Variants in RB1 observed in about 807,000 individuals in gnomAD.
RB1 encodes retinoblastoma-associated protein.
RB1 carries 18 observed loss-of-function variants against 135.4 expected under a neutral mutation model. The observed-to-expected ratio is 0.13, with a 90% confidence interval of 0.09 to 0.20. The LOEUF is 0.20. RB1 is among the 10% of genes least tolerant of loss of function. RB1 has a pLI of 1.00. For synonymous variants in RB1, 365 were observed against 373.2 expected (o/e 0.98, Z 0.25); for missense variants, 868 against 1,110.0 (o/e 0.78, Z 3.10).
intron 17 of RB1, among the ~76,000 whole-genome samples, chr13:48,408,288 CT>C (rs1040385044): frequency 4.0e-5 from 6 of 151,438 alleles, no homozygotes; most frequent in African/African-American, 1.5e-4. Flanking sequence ...TATTTTTATG[CT>C]TTTTAAAATA....
At chr13:48,316,152 A>G (rs577323191) in intron 2 of RB1, among the ~76,000 whole-genome samples, 1 of 152,040 alleles carries the variant, frequency 6.6e-6, no homozygotes, top group Non-Finnish European at 1.5e-5. Flanking sequence ...GGGATTTCAC[A>G]TGCAACAGGG....
intron 17 of RB1, among the ~76,000 whole-genome samples, chr13:48,445,484 C>T (rs956679073): frequency 1.3e-5 from 2 of 152,178 alleles, no homozygotes; most frequent in African/African-American, 4.8e-5. Context: ...CTGGTGGCCT[C>T]TTTCATTTTC....
At chr13:48,318,748 G>A (rs1176131260) in intron 2 of RB1, 1 of 660,132 alleles carries the variant, frequency 1.5e-6, no homozygotes, top group Non-Finnish European at 2.7e-6. Flanking sequence ...TTAGAGAGGG[G>A]GGCCTTGGGG....
At chr13:48,317,508 C>A (rs1952196439) in intron 2 of RB1, 1 of 442,124 alleles carries the variant, frequency 2.3e-6, no homozygotes, top group South Asian at 2.1e-5. Flanking sequence ...TGTGAAAGCT[C>A]CCCCCAGCAC....
chr13:48,477,275 G>A (rs1262791136), intron 25 of RB1, 80 bp from the exon 26 acceptor site: 9 of 1,014,390 alleles, frequency 8.9e-6, no homozygotes, highest in Admixed American at 2.0e-5. Context: ...GTAAGTCATC[G>A]AAAGCATCAT....
chr13:48,421,870 A>G (rs949059002), intron 17 of RB1, among the ~76,000 whole-genome samples: 1 of 152,230 alleles, frequency 6.6e-6, no homozygotes, highest in Non-Finnish European at 1.5e-5. Flanking sequence ...AGGAAACAAC[A>G]GATGCTGGAG....
intron 23 of RB1, among the ~76,000 whole-genome samples, chr13:48,472,135 G>T (rs763741208): frequency 2.6e-5 from 4 of 152,148 alleles, no homozygotes; most frequent in Admixed American, 6.5e-5. Flanking sequence ...GAAGTAGGAG[G>T]CAGATTAGCT....
Position 48,476,701 on chromosome 13 carries a change from A to G in RB1, c.2521A>G (p.Thr841Ala). 6.2e-7 allele frequency: 1 copy of G among 1,611,974 alleles called. No homozygotes were observed. Among genetic ancestry groups the G allele is most frequent in the South Asian group, 1.1e-5 (1 of 91,032 alleles). Residue 841 changes from threonine (T) to alanine (A), a missense_variant and splice_region_variant, in exon 25 of 27, where the codon ACT becomes GCT. Around this residue, in one of 3 missense-constraint regions of RB1, gnomAD observed 196 missense variants for 239.8 expected, o/e 0.82. Transcript: ENST00000267163. The stretch of plus-strand genomic sequence containing the variant: ...AAGTAAAGAATTCTGTAATTTGTAG[A>G]CTTCTGAGAAGTTCCAGAAAATAAA... Reference protein sequence around the residue: ...ILVSIGESFGTSEKFQKINQM... With the variant: ...ILVSIGESFGASEKFQKINQM...
At chr13:48,392,764 CTCT>C (rs1298396905) in intron 17 of RB1, among the ~76,000 whole-genome samples, 93 of 93,258 alleles carry the variant, frequency 1.0e-3, no homozygotes, top group Non-Finnish European at 2.6e-4. Context: ...CTCTCTCTCT[CTCT>C]TTTTTTTAAG....
At chr13:48,318,457 T>C in intron 2 of RB1, 1 of 1,403,820 alleles carries the variant, frequency 7.1e-7, no homozygotes, top group Non-Finnish European at 9.9e-7. Context: ...GAGCTCTCCT[T>C]CTCGTCCAGG....
chr13:48,351,976 G>A (rs1042681664), intron 6 of RB1, among the ~76,000 whole-genome samples: 2 of 151,628 alleles, frequency 1.3e-5, no homozygotes, highest in Non-Finnish European at 3.0e-5. Flanking sequence ...ACCTGGCCTG[G>A]CCATCTTCAA....
At chr13:48,352,555 G>C (rs528179774) in intron 6 of RB1, among the ~76,000 whole-genome samples, 4 of 151,996 alleles carry the variant, frequency 2.6e-5, no homozygotes, top group African/African-American at 7.2e-5. Context: ...TGAAATTCTT[G>C]TTGTAGAGAG....
chr13:48,430,466 C>G (rs1324801268), intron 17 of RB1, among the ~76,000 whole-genome samples: 1 of 152,132 alleles, frequency 6.6e-6, no homozygotes, highest in Non-Finnish European at 1.5e-5. Flanking sequence ...AGAGGCCAGG[C>G]ACTGTGGCTC....
chr13:48,414,829 G>T (rs17071695), intron 17 of RB1, among the ~76,000 whole-genome samples: 1 of 151,938 alleles, frequency 6.6e-6, no homozygotes, highest in African/African-American at 2.4e-5. Context: ...AATTTTGAAG[G>T]GTTGAATATC....
intron 2 of RB1, among the ~76,000 whole-genome samples, chr13:48,309,506 A>C (rs183207380): frequency 1.3e-5 from 2 of 152,318 alleles, no homozygotes; most frequent in East Asian, 3.9e-4. Flanking sequence ...CTTGGGTATT[A>C]TAATCCCCAG....
At chr13:48,342,202 G>T (rs1952450808) in intron 2 of RB1, among the ~76,000 whole-genome samples, 1 of 151,796 alleles carries the variant, frequency 6.6e-6, no homozygotes. Context: ...AGCAAGGAAA[G>T]AATAAGCGAA....
At chr13:48,432,429 T>G (rs923165863) in intron 17 of RB1, among the ~76,000 whole-genome samples, 4 of 150,210 alleles carry the variant, frequency 2.7e-5, no homozygotes, top group South Asian at 2.1e-4. Flanking sequence ...GTTTTTTTGT[T>G]TTTTTTTTTG....
intron 17 of RB1, among the ~76,000 whole-genome samples, chr13:48,452,522 T>C (rs1949334175): frequency 6.6e-6 from 1 of 152,132 alleles, no homozygotes; most frequent in South Asian, 2.1e-4. Context: ...TTTTAATCTT[T>C]GTGATTTTGT....
intron 21 of RB1, 142 bp from the exon 22 acceptor site, chr13:48,464,856 C>T (rs1190424250): frequency 3.4e-6 from 3 of 882,226 alleles, no homozygotes; most frequent in Non-Finnish European, 4.8e-6. Context: ...TTATTTTTTC[C>T]TTTATAATAT....
Sources: allele counts gnomAD v4.1 joint callset (sites outside exome capture counted in the v4.1 genomes callset), GRCh38; gene constraint gnomAD v4.1.1; regional missense constraint gnomAD v4.1.1; transcripts MANE v1.5; gene names NCBI Gene and HGNC (gene_info 2026-07-23, HGNC 2026-07-21).